Variants in PCDHGA7 observed in about 807,000 individuals in gnomAD.
PCDHGA7 encodes the protein protocadherin gamma subfamily A, 7, also known as protocadherin gamma-A7.
Under a neutral mutation model 58.3 loss-of-function variants are expected in PCDHGA7, and 44 were observed. The ratio of observed to expected loss-of-function variants is 0.75; its 90% CI spans 0.59 to 0.97. PCDHGA7 has a LOEUF of 0.97. Ranked by LOEUF, PCDHGA7 falls within the 50% of genes least tolerant of loss-of-function variation. The pLI is 0.00. For missense variants in PCDHGA7, 1,266 were observed against 1,188.7 expected, an observed-to-expected ratio of 1.06 and a Z score of -0.96; for synonymous variants, 516 against 504.2, an observed-to-expected ratio of 1.02 and a Z score of -0.31.
chr5:141,386,746 C>A (rs2090695980), intron 1 of PCDHGA7, among the ~76,000 whole-genome samples: 1 of 152,144 alleles, frequency 6.6e-6, no homozygotes, highest in Non-Finnish European at 1.5e-5. Context: ...GATCCTATGG[C>A]AGAACTACGG....
rs1236813956 is a variant in PCDHGA7, at chr5:141,480,634, TTTCAAAC to T, written c.2425-14170_2425-14164del. On this transcript the variant is annotated intron_variant, in intron 1 of 3. Transcript: ENST00000518325. The stretch of plus-strand genomic sequence containing the variant: ...ACTGGCATTTTCCCTAGAACAATGT[TTTCAAAC>T]TTGGTTGCACATTAAAATCACCTAG... Among the ~76,000 whole-genome samples the T allele has an allele frequency of 3.9e-5, 6 of 152,332 alleles. No individual in the cohort carries two copies. In the East Asian group the frequency reaches 1.2e-3, roughly 29 times the overall value.
In PCDHGA7 at chr5:141,431,766, C is replaced by T. The variant is rs1474420822; in HGVS notation, c.2424+46443C>T. Reference sequence around the variant, plus strand: ...TCTGCGCGAGCCAAAGTCCTGATCACTGTTCTGGACGTGAACGACAATGCC... The same window carrying T: ...TCTGCGCGAGCCAAAGTCCTGATCATTGTTCTGGACGTGAACGACAATGCC... On this transcript the variant is annotated intron_variant, in intron 1 of 3. Transcript: ENST00000518325. The surrounding 1 kb of genome is among the most constrained non-coding windows in gnomAD (Gnocchi z 4.8). 2.5e-6 allele frequency: 4 copies of T among 1,614,196 alleles called. No individual in the cohort carries two copies. Among genetic ancestry groups the T allele is most frequent in the Non-Finnish European group, 3.4e-6 (4 of 1,180,010 alleles).
chr5:141,386,534 T>A (rs1561611722), intron 1 of PCDHGA7, among the ~76,000 whole-genome samples: 1 of 151,950 alleles, frequency 6.6e-6, no homozygotes, highest in African/African-American at 2.4e-5. Context: ...CTTTTTAGAC[T>A]AGTGTTGTAT....
In PCDHGA7 at chr5:141,419,493, A is replaced by G. The variant is rs1246204844; in HGVS notation, c.2424+34170A>G. 5.0e-6 allele frequency: 8 copies of G among 1,612,382 alleles called. No individual in the cohort carries two copies. The highest frequency in any genetic ancestry group is 1.7e-4 in the Middle Eastern group (1 of 5,978). On this transcript the variant is annotated intron_variant, in intron 1 of 3. Coordinates refer to ENST00000518325, the MANE Select transcript of PCDHGA7 (RefSeq NM_018920.4). ...CAGGGCTCGCCCGCGCTCAGCGCCA[A>G]TGTGAGCCTGCGCGTGTTGGTGGGC...
intron 1 of PCDHGA7, chr5:141,415,740 G>GTGT: frequency 1.6e-6 from 1 of 617,992 alleles, no homozygotes; most frequent in Non-Finnish European, 2.1e-6. Context: ...GTTTATTAAG[G>GTGT]TTTTTTTTTT....
intron 1 of PCDHGA7, chr5:141,410,497 T>TG (rs1192894414): frequency 6.2e-7 from 1 of 1,613,998 alleles, no homozygotes; most frequent in South Asian, 1.1e-5. Flanking sequence ...AAGAGTTTAA[T>TG]TTCCTAAAAT....
intron 2 of PCDHGA7, among the ~76,000 whole-genome samples, chr5:141,496,180 GC>G (rs1054381604): frequency 1.4e-4 from 21 of 151,922 alleles, no homozygotes; most frequent in Non-Finnish European, 2.9e-4. Flanking sequence ...CATCCAAGCA[GC>G]CCCAGCTGCT....
At position 141,385,293 on chromosome 5, in the gene PCDHGA7, G is replaced by A; in HGVS notation, c.2394G>A (p.Gln798=). 6.2e-7 allele frequency: 1 copy of A among 1,613,166 alleles called. No individual in the cohort carries two copies. The highest frequency in any genetic ancestry group is 8.5e-7 in the Non-Finnish European group (1 of 1,179,274). The change falls in exon 1 of 4, where the codon CAG becomes CAA. Residue 798 remains glutamine, a synonymous_variant. Coordinates refer to ENST00000518325, the MANE Select transcript of PCDHGA7 (RefSeq NM_018920.4). ...CTTTGCTAACATCCGTAGATTTTCA[G>A]GAATGTAAAGAAAACCTGCCAAGTA... ...NDSLLTSVDF[Q]ECKENLPSIQ...
Position 141,397,948 on chromosome 5 carries a change from C to T in PCDHGA7, c.2424+12625C>T, listed in dbSNP as rs139631080. The T allele has an allele frequency of 7.9e-4, 721 of 913,614 alleles. 6 individuals are homozygous for T. The African/African-American group carries it at 0.01, about 13-fold the overall frequency. The allele number at this position is 913,614 out of a possible 1,614,324, so 56.6% of individuals were successfully genotyped here. On this transcript the variant is annotated intron_variant, in intron 1 of 3. Coordinates refer to ENST00000518325, the MANE Select transcript of PCDHGA7 (RefSeq NM_018920.4). Reference sequence around the variant, plus strand: ...CGCAGCCGCAGCGCGCTTTCCAGGGCAGCCCCAGCTCAGACTCCCCAGCGC... The same window carrying T: ...CGCAGCCGCAGCGCGCTTTCCAGGGTAGCCCCAGCTCAGACTCCCCAGCGC...
intron 2 of PCDHGA7, among the ~76,000 whole-genome samples, chr5:141,503,088 C>T (rs1003234288): frequency 4.0e-5 from 6 of 151,864 alleles, no homozygotes; most frequent in Admixed American, 1.3e-4. Context: ...CTCCTGACCT[C>T]GTGGTCTGCC....
chr5:141,383,629 C>T lies in PCDHGA7; in HGVS notation c.730C>T (p.Leu244=), dbSNP rs769030453. 6.2e-7 allele frequency: 1 copy of T among 1,613,960 alleles called. No homozygotes were observed. The highest frequency in any genetic ancestry group is 1.1e-5 in the South Asian group (1 of 91,082). The change falls in exon 1 of 4, where the codon CTG becomes TTG. Residue 244 remains leucine (L), a synonymous_variant. Transcript: ENST00000518325. ...DVNDHTPVFS[L]PQYQVTVPEN... is the part of the protein sequence containing the mutation. ...GAATGACCACACGCCTGTCTTCTCT[C>T]TGCCTCAGTACCAAGTAACTGTCCC...
rs994726301 is a variant in PCDHGA7, at chr5:141,476,632, T to C, written c.2425-18175T>C. ...TGGGAAGCAACTCTTTACAAACCTA[T>C]GAGCTGAGCCGAAATGAATACTTTG... On this transcript the variant is annotated intron_variant, in intron 1 of 3. Transcript: ENST00000518325. The surrounding 1 kb of genome is among the most constrained non-coding windows in gnomAD (Gnocchi z 7.6). The C allele has an allele frequency of 8.7e-6, 14 of 1,614,098 alleles. No homozygotes were observed. Among genetic ancestry groups the C allele is most frequent in the Admixed American group, 1.7e-5 (1 of 60,016 alleles).
Position 141,487,931 on chromosome 5 carries a change from G to A in PCDHGA7, c.2425-6876G>A. The stretch of plus-strand genomic sequence containing the variant: ...AGCACAGGAGGCTACAGTGCACAGG[G>A]TACAGTGCACCAGGCAGTCACTTGG... On this transcript the variant is annotated intron_variant, in intron 1 of 3. Transcript: ENST00000518325. The surrounding 1 kb of genome is among the most constrained non-coding windows in gnomAD (Gnocchi z 5.0). The A allele has an allele frequency of 1.6e-6, 1 of 612,954 alleles. No homozygotes were observed. The highest frequency in any genetic ancestry group is 2.8e-6 in the Non-Finnish European group (1 of 351,318). 38.0% of individuals were successfully genotyped at this position (612,954 alleles called of 1,614,324 possible). A position where few individuals can be genotyped will look rare whatever the true frequency, so the allele number is the denominator to read the frequency against.
intron 1 of PCDHGA7, chr5:141,399,271 T>C: frequency 1.2e-6 from 2 of 1,613,926 alleles, no homozygotes; most frequent in Non-Finnish European, 1.7e-6. Flanking sequence ...TAATTGTCAA[T>C]TACAAGGCGA....
chr5:141,394,633 G>T, intron 1 of PCDHGA7: 2 of 1,613,390 alleles, frequency 1.2e-6, no homozygotes, highest in Non-Finnish European at 1.7e-6. Context: ...CTGTCCTACC[G>T]CCTGCTCAAG....
At chr5:141,446,039 A>G (rs1349676116) in intron 1 of PCDHGA7, among the ~76,000 whole-genome samples, 1 of 152,180 alleles carries the variant, frequency 6.6e-6, no homozygotes, top group African/African-American at 2.4e-5. Context: ...TAAGAAATGG[A>G]AGAAGAGCTG....
chr5:141,502,524 C>T (rs959562458), intron 2 of PCDHGA7, among the ~76,000 whole-genome samples: 3 of 151,910 alleles, frequency 2.0e-5, no homozygotes, highest in East Asian at 1.9e-4. Flanking sequence ...TCAGTGATGC[C>T]GAGTTTGTTC....
intron 1 of PCDHGA7, among the ~76,000 whole-genome samples, chr5:141,466,036 G>C (rs981390655): frequency 1.3e-5 from 2 of 152,064 alleles, no homozygotes; most frequent in Non-Finnish European, 2.9e-5. Context: ...GCAGGAGAAC[G>C]GCATGAACCC....
chr5:141,478,481 C>A, intron 1 of PCDHGA7: 1 of 1,613,576 alleles, frequency 6.2e-7, no homozygotes, highest in South Asian at 1.1e-5. Flanking sequence ...CCAGAACACG[C>A]TGCGGAGCTG....
Sources: allele counts gnomAD v4.1 joint callset (sites outside exome capture counted in the v4.1 genomes callset), GRCh38; gene constraint gnomAD v4.1.1; non-coding constraint Gnocchi (gnomAD v3.1); transcripts MANE v1.5; gene names NCBI Gene and HGNC (gene_info 2026-07-23, HGNC 2026-07-21).